The following GALNTL6 variants were observed in gnomAD, a reference collection of about 807,000 sequenced individuals.
GALNTL6 encodes the protein polypeptide N-acetylgalactosaminyltransferase like 6, also known as polypeptide N-acetylgalactosaminyltransferase-like 6.
GALNTL6 carries 46 observed loss-of-function variants against 73.7 expected under a neutral mutation model. The ratio of observed to expected loss-of-function variants is 0.62; its 90% CI spans 0.49 to 0.80. The LOEUF (loss-of-function observed/expected upper bound fraction) is 0.80. GALNTL6 is among the 30% of genes least tolerant of loss of function. The pLI is 0.00. For synonymous variants in GALNTL6, 259 were observed against 263.7 expected (o/e 0.98, Z 0.17); for missense variants, 604 against 755.0 (o/e 0.80, Z 2.34).
At chr4:172,198,823 C>T (rs111336294) in intron 2 of GALNTL6, among the ~76,000 whole-genome samples, 1 of 152,156 alleles carries the variant, frequency 6.6e-6, no homozygotes, top group African/African-American at 2.4e-5. Context: ...AATTTACTAA[C>T]GTAGTGCATG....
At position 172,952,297 on chromosome 4, in the gene GALNTL6, G is replaced by A. The variant is rs753165156; in HGVS notation, c.1371+39G>A. 5 of 1,471,568 alleles carry A rather than the reference G, an allele frequency of 3.4e-6. No homozygotes were observed. In the Admixed American group the frequency reaches 6.9e-5, roughly 20 times the overall value. The allele number at this position is 1,471,568 out of a possible 1,614,324, so 91.2% of individuals were successfully genotyped here. Reference sequence around the variant, plus strand: ...GCCTGAAACCTGCGCCTACCTATGAGACTGTGTGCCTCCCCCATAGCCTCA... The same window carrying A: ...GCCTGAAACCTGCGCCTACCTATGAAACTGTGTGCCTCCCCCATAGCCTCA... On this transcript the variant is annotated intron_variant, in intron 10 of 12. Transcript: ENST00000506823.
rs576051285 is a variant in GALNTL6 at position 172,072,584 on chromosome 4, G to C, written c.139-157072G>C. Among the ~76,000 whole-genome samples the C allele has an allele frequency of 5.3e-5, 8 of 152,194 alleles. No homozygotes were observed. The South Asian group carries it at 1.5e-3, about 28-fold the overall frequency. On this transcript the variant is annotated intron_variant, in intron 2 of 12. Coordinates refer to ENST00000506823, the MANE Select transcript of GALNTL6 (RefSeq NM_001034845.3). ...GAACTATTCAGATCTACCTCACAAC[G>C]TACTGTACTGTCCACTCCCAAACCA...
chr4:172,716,209 A>G (rs1273829843), intron 5 of GALNTL6, among the ~76,000 whole-genome samples: 3 of 152,094 alleles, frequency 2.0e-5, no homozygotes, highest in East Asian at 3.9e-4. Context: ...CACATCCTAG[A>G]CAGAAAAACC....
intron 2 of GALNTL6, among the ~76,000 whole-genome samples, chr4:171,883,805 A>G (rs555258965): frequency 1.3e-4 from 20 of 151,200 alleles, no homozygotes; most frequent in Admixed American, 3.3e-4. Context: ...CTGCCACCAC[A>G]CCTGGCTAAT....
chr4:172,018,280 G>A (rs1207819638), intron 2 of GALNTL6, among the ~76,000 whole-genome samples: 2 of 152,056 alleles, frequency 1.3e-5, no homozygotes, highest in East Asian at 1.9e-4. Context: ...GCTCCCAAGA[G>A]TTTAAGTCTT....
chr4:172,824,170 T>C (rs1041790929), intron 7 of GALNTL6, among the ~76,000 whole-genome samples: 4 of 152,172 alleles, frequency 2.6e-5, no homozygotes, highest in African/African-American at 9.7e-5. Context: ...GCCTTACATG[T>C]GGTGTGCCGT....
At chr4:172,617,097 C>A (rs752109320) in intron 5 of GALNTL6, among the ~76,000 whole-genome samples, 1 of 151,484 alleles carries the variant, frequency 6.6e-6, no homozygotes, top group Non-Finnish European at 1.5e-5. Flanking sequence ...ATTTTCTGGA[C>A]GGCTTCTCCT....
intron 2 of GALNTL6, among the ~76,000 whole-genome samples, chr4:172,225,117 A>C (rs1265123966): frequency 6.6e-6 from 1 of 152,052 alleles, no homozygotes; most frequent in African/African-American, 2.4e-5. Flanking sequence ...TTAATTTTAC[A>C]AGGTCATAGA....
chr4:172,588,828 T>C (rs1737526028), intron 5 of GALNTL6, among the ~76,000 whole-genome samples: 1 of 152,130 alleles, frequency 6.6e-6, no homozygotes, highest in African/African-American at 2.4e-5. Context: ...CTGAAACAGA[T>C]CCGCAGCTCT....
At chr4:172,038,801 A>G (rs1047484358) in intron 2 of GALNTL6, among the ~76,000 whole-genome samples, 8 of 152,214 alleles carry the variant, frequency 5.3e-5, no homozygotes, top group African/African-American at 1.9e-4. Context: ...GAAAGATGAA[A>G]GAGCAACAAG....
chr4:172,141,651 G>T (rs577064625), intron 2 of GALNTL6, among the ~76,000 whole-genome samples: 1 of 151,704 alleles, frequency 6.6e-6, no homozygotes, highest in East Asian at 1.9e-4. Flanking sequence ...CAGTATAAAA[G>T]GACAACAAAA....
At chr4:172,755,124 T>A (rs1737672030) in intron 5 of GALNTL6, among the ~76,000 whole-genome samples, 1 of 152,122 alleles carries the variant, frequency 6.6e-6, no homozygotes, top group South Asian at 2.1e-4. Context: ...CACTGGTCAT[T>A]TGCAGATTCT....
chr4:172,115,645 C>A (rs1053392193), intron 2 of GALNTL6, among the ~76,000 whole-genome samples: 1 of 151,970 alleles, frequency 6.6e-6, no homozygotes, highest in African/African-American at 2.4e-5. Flanking sequence ...TAGAACAGAG[C>A]CACTATTATT....
chr4:172,900,152 C>T lies in GALNTL6; in HGVS notation c.1041+17245C>T, dbSNP rs74900830. Among the ~76,000 whole-genome samples the T allele has an allele frequency of 8.5e-3, 1,300 of 152,264 alleles. 13 individuals are homozygous for T. Among genetic ancestry groups the T allele is most frequent in the African/African-American group, 0.027 (1,132 of 41,554 alleles). ...TTAAAACGCATCTGACAGAAGTACACACCAGATGCTGAGCTGAGTGCTTTG... is the reference window on the plus strand; with the variant it reads ...TTAAAACGCATCTGACAGAAGTACATACCAGATGCTGAGCTGAGTGCTTTG... On this transcript the variant is annotated intron_variant, in intron 8 of 12. Transcript: ENST00000506823.
At chr4:172,834,143 T>G (rs1475068044) in intron 7 of GALNTL6, among the ~76,000 whole-genome samples, 1 of 151,600 alleles carries the variant, frequency 6.6e-6, no homozygotes, top group Non-Finnish European at 1.5e-5. Flanking sequence ...AAAAATAAAC[T>G]CCCAAGAATC....
intron 2 of GALNTL6, among the ~76,000 whole-genome samples, chr4:171,971,730 T>TA (rs1197288491): frequency 6.6e-6 from 1 of 152,188 alleles, no homozygotes; most frequent in Non-Finnish European, 1.5e-5. Context: ...TTGAATATTA[T>TA]AAAAAAATAT....
chr4:172,840,682 A>G (rs1324588551), intron 7 of GALNTL6, among the ~76,000 whole-genome samples: 1 of 152,228 alleles, frequency 6.6e-6, no homozygotes, highest in Non-Finnish European at 1.5e-5. Flanking sequence ...AATGCCAATG[A>G]CACACAATAT....
intron 3 of GALNTL6, among the ~76,000 whole-genome samples, chr4:172,284,435 A>AC (rs921904181): frequency 8.7e-5 from 13 of 149,120 alleles, no homozygotes; most frequent in African/African-American, 3.0e-4. Context: ...CACCATGTGC[A>AC]CCCCCCTGCA....
chr4:172,693,010 G>C (rs145272255), intron 5 of GALNTL6, among the ~76,000 whole-genome samples: 6 of 152,244 alleles, frequency 3.9e-5, no homozygotes, highest in Non-Finnish European at 7.4e-5. Flanking sequence ...TAATATGAAA[G>C]ATTAAGCTTA....
Sources: allele counts gnomAD v4.1 joint callset (sites outside exome capture counted in the v4.1 genomes callset), GRCh38; gene constraint gnomAD v4.1.1; transcripts MANE v1.5; gene names NCBI Gene and HGNC (gene_info 2026-07-23, HGNC 2026-07-21).